The following LNPEP variants were observed in gnomAD, a reference collection of about 807,000 sequenced individuals.
LNPEP encodes leucyl and cystinyl aminopeptidase.
Under a neutral mutation model 120.6 loss-of-function variants are expected in LNPEP, and 64 were observed. That is an observed-to-expected ratio of 0.53 (90% CI 0.43 to 0.65). The LOEUF (loss-of-function observed/expected upper bound fraction) is 0.65, where lower values mean the gene tolerates loss of function less well. LNPEP is among the 30% of genes least tolerant of loss of function. LNPEP has a pLI of 0.00. For missense variants in LNPEP, 1,057 were observed against 1,200.0 expected (o/e 0.88, Z 1.76); for synonymous variants, 435 against 425.4 (o/e 1.02, Z -0.28).
intron 8 of LNPEP, among the ~76,000 whole-genome samples, chr5:97,002,405 T>A (rs538201115): frequency 6.6e-6 from 1 of 152,234 alleles, no homozygotes; most frequent in South Asian, 2.1e-4. Context: ...TGTTACAGTA[T>A]GAAGGGAAAA....
chr5:97,018,981 A>T (rs964534871), intron 13 of LNPEP, among the ~76,000 whole-genome samples: 2 of 152,190 alleles, frequency 1.3e-5, no homozygotes, highest in African/African-American at 4.8e-5. Context: ...CATATGAGGC[A>T]TTGGTGGGAT....
At chr5:96,981,983 A>G (rs753253022) in intron 2 of LNPEP, among the ~76,000 whole-genome samples, 8 of 152,120 alleles carry the variant, frequency 5.3e-5, no homozygotes, top group African/African-American at 9.7e-5. Flanking sequence ...TCTGATGATA[A>G]TAATAGCCAG....
At chr5:96,964,587 T>G (rs550538763) in intron 1 of LNPEP, among the ~76,000 whole-genome samples, 1 of 152,210 alleles carries the variant, frequency 6.6e-6, no homozygotes, top group African/African-American at 2.4e-5. Flanking sequence ...TGTTTTAGGT[T>G]TTTCTCTTTT....
chr5:96,993,540 C>G (rs1254754510), intron 5 of LNPEP, among the ~76,000 whole-genome samples: 1 of 152,144 alleles, frequency 6.6e-6, no homozygotes, highest in East Asian at 1.9e-4. Context: ...GAACTTTGTC[C>G]TTCTTGCTCT....
At position 97,033,371 on chromosome 5, in the gene LNPEP, G is replaced by C. The variant is rs1342097307; in HGVS notation, c.*4838G>C. The stretch of plus-strand genomic sequence containing the variant: ...CTACTACATTGTATTAATTCATCGG[G>C]TGCCCAGACTGAAAGGTACCTAATG... On this transcript the variant is annotated 3_prime_UTR_variant, in exon 18 of 18. Transcript: ENST00000231368. 6.6e-6 allele frequency: 1 copy of C among 152,148 alleles called. No individual in the cohort carries two copies. Among genetic ancestry groups the C allele is most frequent in the East Asian group, 1.9e-4 (1 of 5,192 alleles). The allele number at this position is 152,148 out of a possible 1,614,324, so 9.4% of individuals were successfully genotyped here.
At chr5:97,025,629 T>C (rs27621) in intron 15 of LNPEP, among the ~76,000 whole-genome samples, 84,184 of 152,052 alleles carry the variant, frequency 0.55, 23,402 homozygotes, top group East Asian at 0.62. Context: ...TCCTGGTCTT[T>C]GTATTCATCT....
chr5:97,024,790 A>G (rs1791299780), intron 15 of LNPEP, 108 bp downstream of exon 15: 2 of 998,696 alleles, frequency 2.0e-6, no homozygotes, highest in Admixed American at 4.7e-5. Flanking sequence ...CACTTCTGTT[A>G]CAGGCCAGGC....
chr5:96,995,079 G>A (rs924463594), intron 6 of LNPEP, among the ~76,000 whole-genome samples: 4 of 152,072 alleles, frequency 2.6e-5, no homozygotes, highest in East Asian at 1.9e-4. Flanking sequence ...GTGCACTCCC[G>A]CCTGACAACA....
chr5:96,958,034 G>A (rs1387351478), intron 1 of LNPEP, among the ~76,000 whole-genome samples: 3 of 152,138 alleles, frequency 2.0e-5, no homozygotes, highest in Admixed American at 6.5e-5. Flanking sequence ...TAGAAATATG[G>A]GACTCATTGG....
At chr5:97,009,515 A>G (rs1442943688) in intron 11 of LNPEP, among the ~76,000 whole-genome samples, 2 of 152,244 alleles carry the variant, frequency 1.3e-5, no homozygotes, top group Non-Finnish European at 2.9e-5. Context: ...GGAAAAGAAC[A>G]TGCAAAGCCT....
intron 9 of LNPEP, among the ~76,000 whole-genome samples, chr5:97,005,367 G>A (rs573832735): frequency 1.3e-5 from 2 of 152,180 alleles, no homozygotes; most frequent in African/African-American, 4.8e-5. Context: ...ATTGATACTA[G>A]ATGTCTTAGG....
chr5:96,973,877 G>T (rs934455633), intron 1 of LNPEP, among the ~76,000 whole-genome samples: 1 of 151,948 alleles, frequency 6.6e-6, no homozygotes, highest in Non-Finnish European at 1.5e-5. Flanking sequence ...TTCGCTTTTT[G>T]TCCTGTCTTC....
At chr5:96,998,882 G>A (rs190118802) in intron 8 of LNPEP, among the ~76,000 whole-genome samples, 1 of 152,152 alleles carries the variant, frequency 6.6e-6, no homozygotes, top group Non-Finnish European at 1.5e-5. Context: ...AGGTAAATGG[G>A]AATTGAGTTG....
At chr5:96,977,050 T>C (rs1389163423) in intron 1 of LNPEP, among the ~76,000 whole-genome samples, 3 of 152,030 alleles carry the variant, frequency 2.0e-5, no homozygotes, top group Non-Finnish European at 4.4e-5. Context: ...GCTAAACTCA[T>C]ACCTAGAAAA....
chr5:96,977,249 CAT>C, intron 1 of LNPEP, among the ~76,000 whole-genome samples: 1 of 151,992 alleles, frequency 6.6e-6, no homozygotes, highest in Middle Eastern at 3.4e-3. Flanking sequence ...AACAAAAAAA[CAT>C]AACTTTTCTT....
At chr5:96,988,275 T>C (rs1044252187) in intron 4 of LNPEP, among the ~76,000 whole-genome samples, 8 of 152,038 alleles carry the variant, frequency 5.3e-5, no homozygotes, top group Non-Finnish European at 1.5e-5. Context: ...ATATTTCTTT[T>C]CTTGTTTAAA....
At chr5:96,956,124 T>C (rs1366675362) in intron 1 of LNPEP, among the ~76,000 whole-genome samples, 1 of 152,180 alleles carries the variant, frequency 6.6e-6, no homozygotes, top group Non-Finnish European at 1.5e-5. Context: ...TGCCCATTCC[T>C]TTACATTGGA....
chr5:97,010,724 C>T lies in LNPEP; in HGVS notation c.2036-2924C>T, dbSNP rs1350190193. On this transcript the variant is annotated intron_variant, in intron 11 of 17. Coordinates refer to ENST00000231368, the MANE Select transcript of LNPEP (RefSeq NM_005575.3). Reference sequence around the variant, plus strand: ...CAGTTGCTCACTCTTTTTTGCTACTCAATAGACTGAAAATTGAAGTGTTAA... The same window carrying T: ...CAGTTGCTCACTCTTTTTTGCTACTTAATAGACTGAAAATTGAAGTGTTAA... The T allele has an allele frequency of 4.1e-6, 4 of 985,036 alleles. No individual in the cohort carries two copies. In the South Asian group the frequency reaches 1.9e-4, roughly 46 times the overall value. The allele number at this position is 985,036 out of a possible 1,614,324, so 61.0% of individuals were successfully genotyped here.
intron 1 of LNPEP, among the ~76,000 whole-genome samples, chr5:96,943,590 C>T (rs1443664413): frequency 6.6e-6 from 1 of 152,178 alleles, no homozygotes; most frequent in African/African-American, 2.4e-5. Flanking sequence ...GCCCTGTGGC[C>T]AGCCTACTAT....
Sources: allele counts gnomAD v4.1 joint callset (sites outside exome capture counted in the v4.1 genomes callset), GRCh38; gene constraint gnomAD v4.1.1; transcripts MANE v1.5; gene names NCBI Gene and HGNC (gene_info 2026-07-23, HGNC 2026-07-21).